CNTN5: variants seen among roughly 807,000 people sequenced by gnomAD.
CNTN5 encodes the protein contactin 5.
CNTN5 carries 77 observed loss-of-function variants against 129.1 expected under a neutral mutation model. The ratio of observed to expected loss-of-function variants is 0.60; its 90% CI spans 0.50 to 0.72. CNTN5 has a LOEUF of 0.72. Among genes scored for constraint, CNTN5 ranks in the 30% least tolerant of loss-of-function variants. The probability of loss-of-function intolerance (pLI) is 0.00; values close to 1 mark genes in which losing one functional copy is unlikely to be tolerated. For synonymous variants in CNTN5, 509 were observed against 465.6 expected (o/e 1.09, Z -1.20); for missense variants, 1,478 against 1,328.8 (o/e 1.11, Z -1.75).
At chr11:99,981,989 T>C (rs199671402) in intron 8 of CNTN5, among the ~76,000 whole-genome samples, 8 of 152,164 alleles carry the variant, frequency 5.3e-5, no homozygotes, top group African/African-American at 1.9e-4. Flanking sequence ...AGTAAATGCC[T>C]AGGAGTTTGT....
intron 1 of CNTN5, among the ~76,000 whole-genome samples, chr11:99,142,226 T>G (rs1174500164): frequency 6.6e-6 from 1 of 152,122 alleles, no homozygotes; most frequent in Admixed American, 6.5e-5. Context: ...GCAACAATAC[T>G]TTGATGGTGT....
intron 1 of CNTN5, among the ~76,000 whole-genome samples, chr11:99,070,728 T>C (rs1865308281): frequency 6.6e-6 from 1 of 152,118 alleles, no homozygotes; most frequent in Non-Finnish European, 1.5e-5. Context: ...AAATAACTTT[T>C]TTTTTTTTCA....
intron 13 of CNTN5, among the ~76,000 whole-genome samples, chr11:100,161,832 C>CACAT (rs1385486386): frequency 0.035 from 2,716 of 77,872 alleles, 52 homozygotes; most frequent in African/African-American, 0.06. Flanking sequence ...GAGCTTCCTA[C>CACAT]ACACACACAC....
intron 3 of CNTN5, among the ~76,000 whole-genome samples, chr11:99,652,645 C>T (rs572520009): frequency 6.6e-6 from 1 of 152,096 alleles, no homozygotes; most frequent in East Asian, 1.9e-4. Flanking sequence ...AAATTTTGAT[C>T]AGAACTTACA....
At chr11:100,094,778 A>AAGGAAGGAAGGT (rs1944937838) in intron 13 of CNTN5, among the ~76,000 whole-genome samples, 1 of 124,146 alleles carries the variant, frequency 8.1e-6, no homozygotes, top group South Asian at 2.4e-4. Context: ...GGAAGGAAGG[A>AAGGAAGGAAGGT]AGGAAGGAAG....
chr11:99,996,796 G>A (rs1939477343), intron 8 of CNTN5, among the ~76,000 whole-genome samples: 1 of 152,028 alleles, frequency 6.6e-6, no homozygotes, highest in Non-Finnish European at 1.5e-5. Context: ...ATGGCAGCAG[G>A]AGAGAGAGAG....
At chr11:99,772,435 C>A (rs1163121064) in intron 3 of CNTN5, among the ~76,000 whole-genome samples, 1 of 152,060 alleles carries the variant, frequency 6.6e-6, no homozygotes, top group Non-Finnish European at 1.5e-5. Context: ...CATGTTACAA[C>A]AAGGTGTCTT....
intron 4 of CNTN5, 60 bp from the exon 5 acceptor site, chr11:99,844,792 A>G: frequency 1.3e-6 from 2 of 1,522,932 alleles, no homozygotes; most frequent in Non-Finnish European, 1.8e-6. Flanking sequence ...GAAAAGAAAA[A>G]AACACAAAAT....
chr11:100,069,860 G>C (rs1319724703), intron 10 of CNTN5, among the ~76,000 whole-genome samples: 1 of 151,998 alleles, frequency 6.6e-6, no homozygotes, highest in African/African-American at 2.4e-5. Context: ...AATTACAACA[G>C]TATCTCATTC....
intron 2 of CNTN5, among the ~76,000 whole-genome samples, chr11:99,406,399 GTCTCTCTC>G (rs138667399): frequency 0.078 from 11,729 of 150,120 alleles, 751 homozygotes; most frequent in African/African-American, 0.19. Flanking sequence ...CCCAAACAGA[GTCTCTCTC>G]TCTCTCTCTC....
intron 13 of CNTN5, among the ~76,000 whole-genome samples, chr11:100,131,067 C>CT (rs1000840517): frequency 2.0e-5 from 3 of 151,984 alleles, no homozygotes; most frequent in African/African-American, 7.3e-5. Context: ...TGTTAAGTAA[C>CT]TTTTATTATA....
At chr11:99,520,802 T>C (rs1219647381) in intron 2 of CNTN5, among the ~76,000 whole-genome samples, 1 of 152,106 alleles carries the variant, frequency 6.6e-6, no homozygotes, top group Non-Finnish European at 1.5e-5. Context: ...AAAATGTATG[T>C]ACAACATCAT....
chr11:99,769,158 G>GA (rs1424025560), intron 3 of CNTN5, among the ~76,000 whole-genome samples: 1 of 151,972 alleles, frequency 6.6e-6, no homozygotes, highest in Non-Finnish European at 1.5e-5. Flanking sequence ...ACTGGCTGTT[G>GA]AAAACCACTT....
intron 6 of CNTN5, among the ~76,000 whole-genome samples, chr11:99,855,837 G>T (rs1948016263): frequency 6.6e-6 from 1 of 152,000 alleles, no homozygotes; most frequent in Admixed American, 6.6e-5. Context: ...AGCCAGGAAG[G>T]TATACAATTT....
At chr11:99,543,906 G>C (rs1189556675) in intron 2 of CNTN5, among the ~76,000 whole-genome samples, 11 of 104,042 alleles carry the variant, frequency 1.1e-4, no homozygotes, top group African/African-American at 3.7e-4. Context: ...GGGTAACAGA[G>C]AGAGTCTGTC....
At chr11:99,187,128 T>A (rs1858394585) in intron 1 of CNTN5, among the ~76,000 whole-genome samples, 1 of 151,860 alleles carries the variant, frequency 6.6e-6, no homozygotes, top group South Asian at 2.1e-4. Context: ...TCTACGTGTA[T>A]CCAGTGATAA....
rs556718038 is a variant in CNTN5, at chr11:99,949,531, G to A, written c.674-7275G>A. Reference sequence around the variant, plus strand: ...TGAATGCTTTTTAATGCAAAGTTTGGAACCTAGGTTGAGATCGTTCCGCTG... The same window carrying A: ...TGAATGCTTTTTAATGCAAAGTTTGAAACCTAGGTTGAGATCGTTCCGCTG... On this transcript the variant is annotated intron_variant, in intron 7 of 24. Coordinates refer to ENST00000524871, the MANE Select transcript of CNTN5 (RefSeq NM_014361.4). 9.2e-5 allele frequency among the ~76,000 whole-genome samples: 14 copies of A among 152,240 alleles called. No individual in the cohort carries two copies. The South Asian group carries it at 2.7e-3, about 29-fold the overall frequency.
intron 13 of CNTN5, among the ~76,000 whole-genome samples, chr11:100,109,973 C>G (rs1415551674): frequency 6.6e-6 from 1 of 151,806 alleles, no homozygotes; most frequent in African/African-American, 2.4e-5. Flanking sequence ...GAGTTCAGGA[C>G]TTTAAGACCA....
chr11:99,921,248 G>A (rs576671528), intron 7 of CNTN5, among the ~76,000 whole-genome samples: 6 of 152,128 alleles, frequency 3.9e-5, no homozygotes, highest in South Asian at 2.1e-4. Flanking sequence ...GAGAACCCTC[G>A]CCATTTGCCT....
Sources: allele counts gnomAD v4.1 joint callset (sites outside exome capture counted in the v4.1 genomes callset), GRCh38; gene constraint gnomAD v4.1.1; transcripts MANE v1.5; gene names NCBI Gene and HGNC (gene_info 2026-07-23, HGNC 2026-07-21).